Variants in ZNF184 observed in about 807,000 individuals in gnomAD.
The protein encoded by ZNF184 is zinc finger protein 184 (Kruppel-like).
A neutral mutation model predicts 54.4 loss-of-function variants in ZNF184; 16 were observed. The ratio of observed to expected loss-of-function variants is 0.29; its 90% CI spans 0.20 to 0.45. The LOEUF is 0.45. Among genes scored for constraint, ZNF184 ranks in the 20% least tolerant of loss-of-function variants. The pLI, the probability that ZNF184 is intolerant of heterozygous loss-of-function variation, is 1.00. For synonymous variants in ZNF184, 254 were observed against 295.3 expected, an observed-to-expected ratio of 0.86 and a Z score of 1.43; for missense variants, 681 against 888.2, an observed-to-expected ratio of 0.77 and a Z score of 2.97.
chr6:27,407,562 C>T, the ZNF184 span: 2 of 469,634 alleles, frequency 4.3e-6, no homozygotes, highest in East Asian at 9.2e-5. Context: ...GACAATTATA[C>T]CTTTTACAGA....
At chr6:27,408,393 G>C in the ZNF184 span, among the ~76,000 whole-genome samples, 1 of 152,192 alleles carries the variant, frequency 6.6e-6, no homozygotes, top group Non-Finnish European at 1.5e-5. Context: ...TGAAGGAGTG[G>C]AGTGAATGCC....
rs2113711852 is a variant in ZNF184 at position 27,452,804 on chromosome 6, C to T, written c.755G>A (p.Cys252Tyr). 6.2e-7 allele frequency: 1 copy of T among 1,613,496 alleles called. No homozygotes were observed. Among genetic ancestry groups the T allele is most frequent in the Non-Finnish European group, 8.5e-7 (1 of 1,179,860 alleles). ...GCTGAAGGCTTTTTCACATTCATTA[C>T]ATTTGTAGGGTTTTTCTCCAGTATG... ...RTHTGEKPYKCNECEKAFSRS... is the reference protein window; with the variant it reads ...RTHTGEKPYKYNECEKAFSRS... Residue 252 changes from cysteine to tyrosine, a missense_variant, in exon 6 of 6, where the codon TGT becomes TAT. Physicochemically the swap from Cys to Tyr is radical, Grantham distance 194 (BLOSUM62 -2). Coordinates refer to ENST00000683788, the MANE Select transcript of ZNF184 (RefSeq NM_001318891.2). This position sits in a 1 kb window ranked among gnomAD's most constrained non-coding sequence, Gnocchi z 5.5.
Position 27,451,247 on chromosome 6 carries a change from CA to C in ZNF184, c.*55del, listed in dbSNP as rs1762708148. 1 of 1,517,358 alleles carries C rather than the reference CA, an allele frequency of 6.6e-7. No homozygotes were observed. The highest frequency in any genetic ancestry group is 1.4e-5 in the African/African-American group (1 of 71,694). 94.0% of individuals were successfully genotyped at this position (1,517,358 alleles called of 1,614,324 possible). Reference sequence around the variant, plus strand: ...TCCACTCTGATTCTTCAGTACTTAACAAAAGGACAAACTAAAGTAAATATCT... The same window carrying C: ...TCCACTCTGATTCTTCAGTACTTAACAAAGGACAAACTAAAGTAAATATCT... On this transcript the variant is annotated 3_prime_UTR_variant, in exon 6 of 6. Transcript: ENST00000683788.
chr6:27,430,434 A>T, the ZNF184 span, among the ~76,000 whole-genome samples: 1 of 150,130 alleles, frequency 6.7e-6, no homozygotes, highest in Non-Finnish European at 1.5e-5. Context: ...TAAGTCAAGG[A>T]TCTTGAGATA....
chr6:27,413,060 A>C, the ZNF184 span, among the ~76,000 whole-genome samples: 1 of 141,590 alleles, frequency 7.1e-6, no homozygotes, highest in African/African-American at 2.9e-5. Flanking sequence ...AACATGGAGA[A>C]ACCCTGTCTC....
At chr6:27,471,377 C>T (rs1763271333) in intron 2 of ZNF184, among the ~76,000 whole-genome samples, 1 of 152,160 alleles carries the variant, frequency 6.6e-6, no homozygotes. Context: ...AATTCCATTA[C>T]ACAAAAATGG....
the ZNF184 span, among the ~76,000 whole-genome samples, chr6:27,440,300 G>C: frequency 6.6e-6 from 1 of 152,192 alleles, no homozygotes; most frequent in Admixed American, 6.5e-5. Context: ...CAGTTTTGGA[G>C]AGTCTAACAA....
chr6:27,465,679 C>T (rs1240723776), intron 3 of ZNF184, among the ~76,000 whole-genome samples: 1 of 152,016 alleles, frequency 6.6e-6, no homozygotes, highest in African/African-American at 2.4e-5. Flanking sequence ...AAGGAGTCAA[C>T]TGATTAAGAG....
Position 27,451,187 on chromosome 6 carries a change from G to T in ZNF184, c.*116C>A. On this transcript the variant is annotated 3_prime_UTR_variant, in exon 6 of 6. Coordinates refer to ENST00000683788, the MANE Select transcript of ZNF184 (RefSeq NM_001318891.2). ...GTACTTTCCATTCCATAACATGATAGTGAAAATTTAAAAGATTTCAAGGCA... is the reference window on the plus strand; with the variant it reads ...GTACTTTCCATTCCATAACATGATATTGAAAATTTAAAAGATTTCAAGGCA... 1 of 1,259,312 alleles carries T rather than the reference G, an allele frequency of 7.9e-7. No homozygotes were observed. Among genetic ancestry groups the T allele is most frequent in the Non-Finnish European group, 1.1e-6 (1 of 919,232 alleles). 78.0% of individuals were successfully genotyped at this position (1,259,312 alleles called of 1,614,324 possible).
the ZNF184 span, among the ~76,000 whole-genome samples, chr6:27,434,879 G>A: frequency 6.6e-6 from 1 of 152,142 alleles, no homozygotes; most frequent in Admixed American, 6.5e-5. Context: ...ATATGAACAT[G>A]CAGTTTTCCC....
intron 2 of ZNF184, 66 bp from the exon 3 acceptor site, chr6:27,467,986 TC>T: frequency 8.0e-7 from 1 of 1,243,498 alleles, no homozygotes; most frequent in Non-Finnish European, 1.1e-6. Context: ...ATCCATAAAT[TC>T]CATTTACTCT....
At chr6:27,439,875 GACA>G in the ZNF184 span, among the ~76,000 whole-genome samples, 266 of 152,178 alleles carry the variant, frequency 1.7e-3, 1 homozygote, top group Non-Finnish European at 2.3e-3. Flanking sequence ...AATAAGAAGG[GACA>G]ACTGTAATAC....
At chr6:27,458,295 TAA>T (rs55966783) in intron 3 of ZNF184, among the ~76,000 whole-genome samples, 6,404 of 62,466 alleles carry the variant, frequency 0.1, 152 homozygotes, top group African/African-American at 0.24. Flanking sequence ...TTCTGCACAG[TAA>T]AAAAAAAAAA....
the ZNF184 span, among the ~76,000 whole-genome samples, chr6:27,424,884 CT>C: frequency 1.3e-5 from 2 of 152,218 alleles, no homozygotes; most frequent in African/African-American, 4.8e-5. Context: ...GGGGGTGGCG[CT>C]CGTCGGGGAG....
At position 27,451,736 on chromosome 6, in the gene ZNF184, T is replaced by C; in HGVS notation, c.1823A>G (p.His608Arg). Residue 608 changes from histidine (H) to arginine (R), a missense_variant, in exon 6 of 6, where the codon CAT becomes CGT. Coordinates refer to ENST00000683788, the MANE Select transcript of ZNF184 (RefSeq NM_001318891.2). ...ACACTCATAAGGCTTGGCTCCTGTATGAATTCTCTTATGCTGTGTAAGGTG... is the reference window on the plus strand; with the variant it reads ...ACACTCATAAGGCTTGGCTCCTGTACGAATTCTCTTATGCTGTGTAAGGTG... ...NIHLTQHKRI[H>R]TGAKPYECAE... The C allele has an allele frequency of 6.2e-7, 1 of 1,613,996 alleles. No homozygotes were observed. Among genetic ancestry groups the C allele is most frequent in the Non-Finnish European group, 8.5e-7 (1 of 1,179,930 alleles).
intron 3 of ZNF184, among the ~76,000 whole-genome samples, chr6:27,463,114 G>A (rs1447193493): frequency 1.6e-5 from 2 of 122,944 alleles, no homozygotes; most frequent in African/African-American, 3.1e-5. Context: ...ATCACACTCC[G>A]GGGACTGTTG....
chr6:27,413,378 A>C, the ZNF184 span, among the ~76,000 whole-genome samples: 1 of 152,236 alleles, frequency 6.6e-6, no homozygotes, highest in African/African-American at 2.4e-5. Context: ...AGATTATAAA[A>C]CCAGTCAAAT....
the ZNF184 span, among the ~76,000 whole-genome samples, chr6:27,435,467 A>C: frequency 6.6e-6 from 1 of 152,156 alleles, no homozygotes; most frequent in Non-Finnish European, 1.5e-5. Context: ...ATAGCAATGC[A>C]ACTAATTTTT....
intron 3 of ZNF184, 133 bp downstream of exon 3, chr6:27,467,720 G>A (rs1763175576): frequency 5.4e-6 from 4 of 742,988 alleles, no homozygotes; most frequent in Non-Finnish European, 8.4e-6. Context: ...TAGGAATGCG[G>A]TTACTAGACA....
Sources: allele counts gnomAD v4.1 joint callset (sites outside exome capture counted in the v4.1 genomes callset), GRCh38; gene constraint gnomAD v4.1.1; non-coding constraint Gnocchi (gnomAD v3.1); transcripts MANE v1.5; gene names NCBI Gene and HGNC (gene_info 2026-07-23, HGNC 2026-07-21).